PCDH9: variants seen among roughly 807,000 people sequenced by gnomAD.
PCDH9 encodes the protein protocadherin 9.
PCDH9 carries 24 observed loss-of-function variants against 70.6 expected under a neutral mutation model. That is an observed-to-expected ratio of 0.34 (90% confidence interval 0.25 to 0.48). PCDH9 has a LOEUF of 0.48. Ranked by LOEUF, PCDH9 falls within the 20% of genes least tolerant of loss-of-function variation. PCDH9 has a pLI of 0.99. For missense variants in PCDH9, 1,281 were observed against 1,503.6 expected (o/e 0.85, Z 2.45); for synonymous variants, 562 against 558.5 (o/e 1.01, Z -0.09).
At chr13:66,397,516 G>T (rs1240141476) in intron 4 of PCDH9, among the ~76,000 whole-genome samples, 2 of 148,676 alleles carry the variant, frequency 1.3e-5, no homozygotes, top group African/African-American at 5.0e-5. Flanking sequence ...AATGTATGTC[G>T]ATATATATGT....
intron 2 of PCDH9, among the ~76,000 whole-genome samples, chr13:67,188,964 C>A (rs2088834666): frequency 6.6e-6 from 1 of 151,972 alleles, no homozygotes; most frequent in Non-Finnish European, 1.5e-5. Flanking sequence ...CCCTGAGTCT[C>A]CAAAGTCCAT....
At chr13:66,436,529 AT>A (rs576836587) in intron 4 of PCDH9, among the ~76,000 whole-genome samples, 210 of 152,272 alleles carry the variant, frequency 1.4e-3, no homozygotes, top group African/African-American at 1.8e-3. Flanking sequence ...GTTAAAAAAA[AT>A]AACCCATTTT....
At chr13:66,443,453 G>A (rs1028615666) in intron 4 of PCDH9, among the ~76,000 whole-genome samples, 17 of 152,014 alleles carry the variant, frequency 1.1e-4, no homozygotes, top group African/African-American at 3.9e-4. Context: ...TTATTTTTGT[G>A]TGATTTTTTA....
At chr13:66,631,116 G>A in intron 4 of PCDH9, 94 bp downstream of exon 4, 1 of 682,718 alleles carries the variant, frequency 1.5e-6, no homozygotes. Context: ...ATAACTAAAT[G>A]TTCATCCTTG....
chr13:66,765,265 G>A (rs948397242), intron 3 of PCDH9, among the ~76,000 whole-genome samples: 4 of 151,970 alleles, frequency 2.6e-5, no homozygotes, highest in African/African-American at 9.7e-5. Flanking sequence ...AAACTGGTGA[G>A]TTGATTTCTG....
chr13:66,563,464 T>C (rs2076606543), intron 4 of PCDH9, among the ~76,000 whole-genome samples: 1 of 152,142 alleles, frequency 6.6e-6, no homozygotes, highest in Non-Finnish European at 1.5e-5. Flanking sequence ...CAACGATCTA[T>C]TACAATTACA....
At chr13:66,812,085 C>T (rs571636597) in intron 3 of PCDH9, among the ~76,000 whole-genome samples, 1 of 151,906 alleles carries the variant, frequency 6.6e-6, no homozygotes, top group Non-Finnish European at 1.5e-5. Flanking sequence ...CACTCTTCCC[C>T]CTAAGTACCC....
chr13:66,918,692 T>G (rs915068225), intron 2 of PCDH9, among the ~76,000 whole-genome samples: 2 of 151,270 alleles, frequency 1.3e-5, no homozygotes, highest in African/African-American at 4.8e-5. Context: ...TATATTATTA[T>G]GATAAGGTTA....
intron 4 of PCDH9, among the ~76,000 whole-genome samples, chr13:66,544,833 G>A (rs1961115346): frequency 6.6e-6 from 1 of 152,048 alleles, no homozygotes; most frequent in Non-Finnish European, 1.5e-5. Flanking sequence ...AATTAGAGCA[G>A]CTAGGGATTG....
rs181002246 is a variant in PCDH9, at chr13:66,459,915, A to G, written c.3341-154887T>C. Among the ~76,000 whole-genome samples the G allele has an allele frequency of 6.6e-5, 10 of 152,018 alleles. No homozygotes were observed. In the East Asian group the frequency reaches 1.9e-3, roughly 29 times the overall value. On this transcript the variant is annotated intron_variant, in intron 4 of 4. Transcript: ENST00000377865. ...AGATGTGCGACTGTATTTCTCACGT[A>G]GAATATCATTATCTAAGCCCCACCC...
intron 4 of PCDH9, among the ~76,000 whole-genome samples, chr13:66,465,805 A>G (rs2138466433): frequency 6.6e-6 from 1 of 152,038 alleles, no homozygotes; most frequent in East Asian, 1.9e-4. Context: ...TAACTGGAAT[A>G]TTTTCTATAT....
chr13:66,799,794 G>A, intron 3 of PCDH9, among the ~76,000 whole-genome samples: 1 of 152,262 alleles, frequency 6.6e-6, no homozygotes, highest in East Asian at 1.9e-4. Context: ...AAAACTTTAT[G>A]AGTCTCCTTA....
intron 2 of PCDH9, among the ~76,000 whole-genome samples, chr13:67,165,198 T>C (rs2138427745): frequency 6.6e-6 from 1 of 152,312 alleles, no homozygotes; most frequent in Non-Finnish European, 1.5e-5. Flanking sequence ...TATTAGTGAA[T>C]TGTACTGATG....
chr13:66,863,765 T>C (rs1157836131), intron 3 of PCDH9, among the ~76,000 whole-genome samples: 2 of 152,058 alleles, frequency 1.3e-5, no homozygotes, highest in African/African-American at 4.8e-5. Context: ...AATACCAATT[T>C]TTTTAATGTA....
intron 2 of PCDH9, among the ~76,000 whole-genome samples, chr13:67,130,997 A>T (rs1179899796): frequency 6.6e-6 from 1 of 152,124 alleles, no homozygotes; most frequent in South Asian, 2.1e-4. Flanking sequence ...ACATACTCTA[A>T]TGCCCTTTTC....
chr13:66,452,851 G>A (rs1294503480), intron 4 of PCDH9, among the ~76,000 whole-genome samples: 5 of 151,920 alleles, frequency 3.3e-5, no homozygotes, highest in Non-Finnish European at 7.4e-5. Context: ...ATTACCCTGA[G>A]GATTATTATC....
At chr13:66,917,135 A>C (rs2082569754) in intron 2 of PCDH9, among the ~76,000 whole-genome samples, 1 of 151,434 alleles carries the variant, frequency 6.6e-6, no homozygotes, top group South Asian at 2.1e-4. Flanking sequence ...ACTTTTATCC[A>C]CTCATTTGAT....
intron 2 of PCDH9, chr13:67,205,886 A>C (rs2089328209): frequency 6.6e-6 from 1 of 152,220 alleles, no homozygotes; most frequent in African/African-American, 2.4e-5. Context: ...TCCAGTTCTC[A>C]GGTTTAAGGG....
chr13:67,012,356 T>C lies in PCDH9; in HGVS notation c.3037-108751A>G, dbSNP rs376864016. Among the ~76,000 whole-genome samples, 3 of 151,840 alleles carry C rather than the reference T, an allele frequency of 2.0e-5. No homozygotes were observed. The South Asian group carries it at 6.2e-4, about 31-fold the overall frequency. On this transcript the variant is annotated intron_variant, in intron 2 of 4. Transcript: ENST00000377865. ...GAGAAAGAGAGAGAAAAAGTAAGAGTAAACCTGGCCATCATGTTTTCTCTG... is the reference window on the plus strand; with the variant it reads ...GAGAAAGAGAGAGAAAAAGTAAGAGCAAACCTGGCCATCATGTTTTCTCTG...
Sources: allele counts gnomAD v4.1 joint callset (sites outside exome capture counted in the v4.1 genomes callset), GRCh38; gene constraint gnomAD v4.1.1; transcripts MANE v1.5; gene names NCBI Gene and HGNC (gene_info 2026-07-23, HGNC 2026-07-21).